Variants in KIAA1549L observed in about 807,000 individuals in gnomAD.
KIAA1549L encodes the protein UPF0606 protein KIAA1549L.
A neutral mutation model predicts 160.7 loss-of-function variants in KIAA1549L; 88 were observed. That is an observed-to-expected ratio of 0.55 (90% CI 0.46 to 0.65). The LOEUF (loss-of-function observed/expected upper bound fraction) is 0.65, where lower values mean the gene tolerates loss of function less well. Among genes scored for constraint, KIAA1549L ranks in the 30% least tolerant of loss-of-function variants. KIAA1549L has a pLI of 0.00. For synonymous variants in KIAA1549L, 950 were observed against 976.7 expected (o/e 0.97, Z 0.51); for missense variants, 2,258 against 2,437.5 (o/e 0.93, Z 1.55).
At chr11:33,508,631 C>T (rs1259525676) in intron 1 of KIAA1549L, among the ~76,000 whole-genome samples, 12 of 152,322 alleles carry the variant, frequency 7.9e-5, no homozygotes, top group African/African-American at 2.6e-4. Context: ...AGTTCACATC[C>T]ACGTTCACCT....
intron 1 of KIAA1549L, among the ~76,000 whole-genome samples, chr11:33,441,267 C>T (rs1311568958): frequency 7.9e-5 from 12 of 151,866 alleles, no homozygotes; most frequent in East Asian, 1.9e-4. Context: ...TTTTTATGGC[C>T]GCATAGTATT....
chr11:33,633,356 G>A lies in KIAA1549L; in HGVS notation c.5410-12330G>A, dbSNP rs147556873. Among the ~76,000 whole-genome samples the A allele has an allele frequency of 1.1e-3, 172 of 151,948 alleles. 3 individuals carry two copies. The East Asian group carries it at 0.014, about 12-fold the overall frequency. On this transcript the variant is annotated intron_variant, in intron 16 of 20. Coordinates refer to ENST00000658780, the MANE Select transcript of KIAA1549L (RefSeq NM_012194.3). The stretch of plus-strand genomic sequence containing the variant: ...AAGGGAAAGATCAGCGTGGTGTTGT[G>A]TAACGACTGCTATTCACTGTGAGCT...
At chr11:33,457,948 C>T (rs143759471) in intron 1 of KIAA1549L, among the ~76,000 whole-genome samples, 86 of 152,330 alleles carry the variant, frequency 5.6e-4, no homozygotes, top group African/African-American at 2.0e-3. Flanking sequence ...GTATGTGATG[C>T]TCTGGATACC....
At chr11:33,587,122 A>G (rs10836078) in intron 11 of KIAA1549L, among the ~76,000 whole-genome samples, 45,293 of 152,028 alleles carry the variant, frequency 0.3, 7,296 homozygotes, top group African/African-American at 0.41. Flanking sequence ...TATATACATC[A>G]CTTTGAGATA....
chr11:33,513,060 G>A (rs1423685130), intron 1 of KIAA1549L, among the ~76,000 whole-genome samples: 1 of 152,130 alleles, frequency 6.6e-6, no homozygotes. Flanking sequence ...TCAAGATACA[G>A]GGACAGAGAA....
At chr11:33,660,627 A>T (rs1030469115) in intron 19 of KIAA1549L, among the ~76,000 whole-genome samples, 2 of 152,040 alleles carry the variant, frequency 1.3e-5, no homozygotes, top group African/African-American at 4.8e-5. Context: ...CTGTTGCTAC[A>T]TCACCTGGGA....
rs763612147 is a variant in KIAA1549L at position 33,435,857 on chromosome 11, T to C, written c.238+58968T>C. 1.3e-3 allele frequency among the ~76,000 whole-genome samples: 170 copies of C among 135,204 alleles called. 14 individuals are homozygous for C. Among genetic ancestry groups the C allele is most frequent in the Non-Finnish European group, 2.2e-3 (138 of 64,132 alleles). The allele number at this position is 135,204 out of a possible 152,430, so 88.7% of individuals were successfully genotyped here. ...GTATATGTATATGTGTGTGTGTGTGTGTGTGTATAAAATATTAGATATAGT... is the reference window on the plus strand; with the variant it reads ...GTATATGTATATGTGTGTGTGTGTGCGTGTGTATAAAATATTAGATATAGT... On this transcript the variant is annotated intron_variant, in intron 1 of 20. Coordinates refer to ENST00000658780, the MANE Select transcript of KIAA1549L (RefSeq NM_012194.3).
intron 16 of KIAA1549L, among the ~76,000 whole-genome samples, chr11:33,636,140 C>T (rs1456987552): frequency 6.6e-6 from 1 of 152,142 alleles, no homozygotes; most frequent in Non-Finnish European, 1.5e-5. Flanking sequence ...ATTCAGACAA[C>T]CACTGTCGCA....
rs377704810 is a variant in KIAA1549L at position 33,440,372 on chromosome 11, C to G, written c.238+63483C>G. On this transcript the variant is annotated intron_variant, in intron 1 of 20. Coordinates refer to ENST00000658780, the MANE Select transcript of KIAA1549L (RefSeq NM_012194.3). ...GTCTCGATCTCCTGACCTCGTGATC[C>G]GCCCGCCTCGGCCTCCCAAAGTGCT... Among the ~76,000 whole-genome samples, 304 of 151,758 alleles carry G rather than the reference C, an allele frequency of 2.0e-3. 1 individual carries two copies. Among genetic ancestry groups the G allele is most frequent in the African/African-American group, 7.1e-3 (295 of 41,482 alleles).
intron 1 of KIAA1549L, among the ~76,000 whole-genome samples, chr11:33,480,122 G>A (rs986461685): frequency 7.2e-5 from 11 of 152,056 alleles, no homozygotes; most frequent in Non-Finnish European, 1.3e-4. Context: ...CAGCTCACCC[G>A]TTTAAAGTGT....
At chr11:33,379,926 G>C (rs530583430) in intron 1 of KIAA1549L, among the ~76,000 whole-genome samples, 5 of 152,260 alleles carry the variant, frequency 3.3e-5, no homozygotes, top group Non-Finnish European at 5.9e-5. Context: ...GTTTGTAGAA[G>C]CTCCTCAAGA....
At chr11:33,392,709 G>GT (rs35371281) in intron 1 of KIAA1549L, among the ~76,000 whole-genome samples, 2,309 of 152,204 alleles carry the variant, frequency 0.015, 28 homozygotes, top group Middle Eastern at 0.082. Context: ...ATATCACGCA[G>GT]TTAAAAAACA....
chr11:33,433,617 C>T (rs1053656437), intron 1 of KIAA1549L, among the ~76,000 whole-genome samples: 1 of 152,186 alleles, frequency 6.6e-6, no homozygotes, highest in Non-Finnish European at 1.5e-5. Context: ...ATAAATCATT[C>T]TGCTATAAAG....
chr11:33,645,652 T>G, intron 16 of KIAA1549L, 34 bp from the exon 17 acceptor site: 3 of 1,506,694 alleles, frequency 2.0e-6, no homozygotes, highest in Non-Finnish European at 2.8e-6. Context: ...GGAAGGAAAG[T>G]AAACACATCA....
At chr11:33,578,733 G>A (rs2133257427) in intron 10 of KIAA1549L, among the ~76,000 whole-genome samples, 1 of 152,260 alleles carries the variant, frequency 6.6e-6, no homozygotes, top group Middle Eastern at 3.4e-3. Context: ...CATATCTAAA[G>A]CCACATAGGG....
intron 16 of KIAA1549L, among the ~76,000 whole-genome samples, chr11:33,632,346 T>C (rs1412688538): frequency 6.6e-6 from 1 of 152,204 alleles, no homozygotes; most frequent in Non-Finnish European, 1.5e-5. Context: ...GTTTATGGGT[T>C]TTACTCTGAC....
intron 10 of KIAA1549L, among the ~76,000 whole-genome samples, chr11:33,577,618 T>C (rs1354912273): frequency 6.6e-6 from 1 of 152,176 alleles, no homozygotes; most frequent in African/African-American, 2.4e-5. Context: ...TTCTGCTCTC[T>C]TGGGTATAAT....
chr11:33,567,057 T>C lies in KIAA1549L; in HGVS notation c.4079-1019T>C, dbSNP rs1287407779. On this transcript the variant is annotated intron_variant, in intron 8 of 20. Coordinates refer to ENST00000658780, the MANE Select transcript of KIAA1549L (RefSeq NM_012194.3). ...GGTAGACAGAAAAAGGGAGTTGCCC[T>C]GATAGTAAGTGAACACAGCAGTCCT... Among the ~76,000 whole-genome samples the C allele has an allele frequency of 3.3e-5, 5 of 152,186 alleles. No homozygotes were observed. The East Asian group carries it at 9.6e-4, about 29-fold the overall frequency.
chr11:33,448,962 C>T (rs1851669490), intron 1 of KIAA1549L, among the ~76,000 whole-genome samples: 1 of 152,178 alleles, frequency 6.6e-6, no homozygotes, highest in Admixed American at 6.5e-5. Flanking sequence ...CCTCTTCGCA[C>T]ACTTAGCGCT....
Sources: allele counts gnomAD v4.1 joint callset (sites outside exome capture counted in the v4.1 genomes callset), GRCh38; gene constraint gnomAD v4.1.1; transcripts MANE v1.5; gene names NCBI Gene and HGNC (gene_info 2026-07-23, HGNC 2026-07-21).